Variants in C20orf144 observed in about 807,000 individuals in gnomAD.
C20orf144 encodes the protein uncharacterized protein C20orf144.
In C20orf144, 8 loss-of-function variants were observed where a neutral mutation model predicts 3.8. The ratio of observed to expected loss-of-function variants is 2.11; its 90% confidence interval spans 1.24 to 3.80. C20orf144 has a LOEUF of 3.80. Ranked by LOEUF, C20orf144 falls within the 30% of genes most tolerant of loss-of-function variation. C20orf144 has a pLI of 0.00. For missense variants in C20orf144, 289 were observed against 224.5 expected, an observed-to-expected ratio of 1.29 and a Z score of -1.83; for synonymous variants, 126 against 104.1, an observed-to-expected ratio of 1.21 and a Z score of -1.28.
intron 1 of C20orf144, 97 bp downstream of exon 1, chr20:33,662,568 T>G: frequency 7.3e-7 from 1 of 1,378,340 alleles, no homozygotes; most frequent in Non-Finnish European, 9.9e-7. Flanking sequence ...GTCTAGGCCT[T>G]GTATGCAGAA....
rs188273385 is a variant in C20orf144, at chr20:33,663,827, A to G, written c.422A>G (p.Gln141Arg). 3 of 1,409,394 alleles carry G rather than the reference A, an allele frequency of 2.1e-6. No individual in the cohort carries two copies. Among genetic ancestry groups the G allele is most frequent in the South Asian group, 1.5e-5 (1 of 66,092 alleles). The allele number at this position is 1,409,394 out of a possible 1,614,324, so 87.3% of individuals were successfully genotyped here. ...CGCGAAGCCGGCCCCGCCGAGGAGC[A>G]GCCGCGCAAACGGTGCCGCTGCCCT... ...APREAGPAEE[Q>R]PRKRCRCPRP... The change falls in exon 2 of 2, where the codon CAG becomes CGG. Residue 141 changes from glutamine to arginine, a missense_variant. Gln to Arg is a conservative substitution (Grantham distance 43). Coordinates refer to ENST00000375222, the MANE Select transcript of C20orf144 (RefSeq NM_080825.4).
chr20:33,662,562 A>T (rs1437363169), intron 1 of C20orf144, 91 bp downstream of exon 1: 4 of 1,423,144 alleles, frequency 2.8e-6, no homozygotes, highest in Non-Finnish European at 3.8e-6. Flanking sequence ...CTGGGAGTCT[A>T]GGCCTTGTAT....
rs2017556945 is a variant in C20orf144 at position 33,663,656 on chromosome 20, G to A, written c.251G>A (p.Gly84Asp). 1.3e-6 allele frequency: 2 copies of A among 1,589,984 alleles called. No homozygotes were observed. The highest frequency in any genetic ancestry group is 1.1e-5 in the South Asian group (1 of 89,534). Residue 84 changes from glycine to aspartate, a missense_variant, in exon 2 of 2, where the codon GGC becomes GAC. Gly to Asp is a moderately conservative substitution (Grantham distance 94). Transcript: ENST00000375222. ...SPAAPRLRGA[G>D]EGSEREPRMP... The stretch of plus-strand genomic sequence containing the variant: ...GCGGCACCCAGATTGCGCGGAGCGG[G>A]CGAAGGTAGCGAGCGCGAGCCGAGG...
At chr20:33,662,529 G>A (rs2017513438) in intron 1 of C20orf144, 58 bp downstream of exon 1, 2 of 1,530,940 alleles carry the variant, frequency 1.3e-6, no homozygotes, top group Admixed American at 2.0e-5. Flanking sequence ...AGAGAAAGCT[G>A]GACAAGTGGG....
chr20:33,662,751 G>T, intron 1 of C20orf144: 1 of 377,336 alleles, frequency 2.7e-6, no homozygotes. Flanking sequence ...ATTGGCCTGG[G>T]CAACATAGGG....
chr20:33,663,632 C>T lies in C20orf144; in HGVS notation c.227C>T (p.Ala76Val). ...YASGAGLGSP[A>V]APRLRGAGEG... The stretch of plus-strand genomic sequence containing the variant: ...TCCGGCGCTGGGCTGGGCTCCCCGG[C>T]GGCACCCAGATTGCGCGGAGCGGGC... Residue 76 changes from alanine (A) to valine (V), a missense_variant, in exon 2 of 2, where the codon GCG (alanine) becomes GTG (valine). Ala to Val is a moderately conservative substitution (Grantham distance 64, BLOSUM62 0). Coordinates refer to ENST00000375222, the MANE Select transcript of C20orf144 (RefSeq NM_080825.4). The T allele has an allele frequency of 2.5e-6, 4 of 1,607,908 alleles. No individual in the cohort carries two copies. The highest frequency in any genetic ancestry group is 3.4e-6 in the Non-Finnish European group (4 of 1,179,200).
Position 33,663,787 on chromosome 20 carries a change from C to T in C20orf144, c.382C>T (p.Pro128Ser). ...WPRLLSRFRS[P>S]GKAPREAGPA... ...GCGGCTGCTCTCGCGCTTCCGGTCCCCGGGGAAGGCTCCCCGCGAAGCCGG... is the reference window on the plus strand; with the variant it reads ...GCGGCTGCTCTCGCGCTTCCGGTCCTCGGGGAAGGCTCCCCGCGAAGCCGG... Residue 128 changes from proline (P) to serine (S), a missense_variant, in exon 2 of 2, where the codon CCG (proline) becomes TCG (serine). Pro to Ser is a moderately conservative substitution (Grantham distance 74, BLOSUM62 -1). Transcript: ENST00000375222. 7.0e-7 allele frequency: 1 copy of T among 1,425,314 alleles called. No homozygotes were observed. The highest frequency in any genetic ancestry group is 2.9e-5 in the East Asian group (1 of 34,362). The allele number at this position is 1,425,314 out of a possible 1,614,324, so 88.3% of individuals were successfully genotyped here. A position where few individuals can be genotyped will look rare whatever the true frequency, so the allele number is the denominator to read the frequency against.
intron 1 of C20orf144, 111 bp from the exon 2 acceptor site, chr20:33,663,421 G>A (rs1601159530): frequency 8.6e-7 from 1 of 1,157,398 alleles, no homozygotes; most frequent in Non-Finnish European, 1.2e-6. Flanking sequence ...GGACCCGGGT[G>A]GACGACAGGA....
intron 1 of C20orf144, among the ~76,000 whole-genome samples, chr20:33,663,051 C>A (rs144041031): frequency 3.7e-4 from 57 of 152,304 alleles, no homozygotes; most frequent in African/African-American, 1.3e-3. Context: ...CAACCCTGGA[C>A]GAACGGGTGG....
In C20orf144 at chr20:33,663,709, CAAGAGGCGCGGCGGCCGG is replaced by C. The variant is rs1442182705; in HGVS notation, c.311_328del (p.Ala104_Glu109del). 8.5e-6 allele frequency: 13 copies of C among 1,536,304 alleles called. No individual in the cohort carries two copies. The highest frequency in any genetic ancestry group is 1.0e-5 in the Non-Finnish European group (12 of 1,157,202). ...GCCGGTACTGCTGCTGCTGCGGCGG[CAAGAGGCGCGGCGGCCGG>C]AAGAGGGCGGGGCCAGGGCAGCTCT... On this transcript the variant is annotated inframe_deletion, in exon 2 of 2. Coordinates refer to ENST00000375222, the MANE Select transcript of C20orf144 (RefSeq NM_080825.4).
chr20:33,663,484 C>T, intron 1 of C20orf144, 48 bp from the exon 2 acceptor site: 1 of 1,559,732 alleles, frequency 6.4e-7, no homozygotes, highest in South Asian at 1.1e-5. Context: ...GGGTCGTGGG[C>T]TCGGCCCTAG....
Position 33,662,457 on chromosome 20 carries a change from C to A in C20orf144, c.112C>A (p.Arg38=). 1 of 1,551,544 alleles carries A rather than the reference C, an allele frequency of 6.4e-7. No homozygotes were observed. Among genetic ancestry groups the A allele is most frequent in the Non-Finnish European group, 8.7e-7 (1 of 1,147,358 alleles). The part of the protein sequence containing the change: ...WWKSFLNHLT[R]KKPATRIVLI... ...GAAATCGTTCCTCAACCACCTCACT[C>A]GGAAGAAGCCGGCTGTGAGGGCGGG... The change falls in exon 1 of 2, where the codon CGG becomes AGG. Residue 38 remains arginine (R), a synonymous_variant. Transcript: ENST00000375222.
rs199763056 is a variant in C20orf144, at chr20:33,663,757, T to C, written c.352T>C (p.Trp118Arg). The C allele has an allele frequency of 2.7e-4, 397 of 1,460,112 alleles. 1 individual carries two copies. In the African/African-American group the frequency reaches 5.2e-3, roughly 19 times the overall value. The allele number at this position is 1,460,112 out of a possible 1,614,324, so 90.4% of individuals were successfully genotyped here. A position where few individuals can be genotyped will look rare whatever the true frequency, so the allele number is the denominator to read the frequency against. ...GGGCGGGGCCAGGGCAGCTCTGAGCTGGCCGCGGCTGCTCTCGCGCTTCCG... is the reference window on the plus strand; with the variant it reads ...GGGCGGGGCCAGGGCAGCTCTGAGCCGGCCGCGGCTGCTCTCGCGCTTCCG... ...EEGGARAALSWPRLLSRFRSP... is the reference protein window; with the variant it reads ...EEGGARAALSRPRLLSRFRSP... Residue 118 changes from tryptophan (W) to arginine (R), a missense_variant, in exon 2 of 2, where the codon TGG (tryptophan) becomes CGG (arginine). Transcript: ENST00000375222.
chr20:33,663,773 C>T lies in C20orf144; in HGVS notation c.368C>T (p.Ser123Leu). ...RAALSWPRLL[S>L]RFRSPGKAPR... ...GCTCTGAGCTGGCCGCGGCTGCTCT[C>T]GCGCTTCCGGTCCCCGGGGAAGGCT... Residue 123 changes from serine to leucine, a missense_variant, in exon 2 of 2, where the codon TCG becomes TTG. Ser to Leu is a moderately radical substitution (Grantham distance 145). Coordinates refer to ENST00000375222, the MANE Select transcript of C20orf144 (RefSeq NM_080825.4). The T allele has an allele frequency of 7.0e-7, 1 of 1,438,538 alleles. No individual in the cohort carries two copies. Among genetic ancestry groups the T allele is most frequent in the Admixed American group, 2.8e-5 (1 of 35,578 alleles). The allele number at this position is 1,438,538 out of a possible 1,614,324, so 89.1% of individuals were successfully genotyped here.
rs769219793 is a variant in C20orf144, at chr20:33,663,658, G to A, written c.253G>A (p.Glu85Lys). ...PAAPRLRGAG[E>K]GSEREPRMPV... ...GGCACCCAGATTGCGCGGAGCGGGC[G>A]AAGGTAGCGAGCGCGAGCCGAGGAT... Residue 85 changes from glutamate (E) to lysine (K), a missense_variant, in exon 2 of 2, where the codon GAA (glutamate) becomes AAA (lysine). Glu to Lys is a moderately conservative substitution (Grantham distance 56). Transcript: ENST00000375222. The A allele has an allele frequency of 1.2e-5, 19 of 1,589,592 alleles. No individual in the cohort carries two copies. The highest frequency in any genetic ancestry group is 1.5e-5 in the Non-Finnish European group (18 of 1,174,028).
At position 33,662,477 on chromosome 20, in the gene C20orf144, G is replaced by A; in HGVS notation, c.126+6G>A. 6.4e-7 allele frequency: 1 copy of A among 1,551,366 alleles called. No homozygotes were observed. The stretch of plus-strand genomic sequence containing the variant: ...TCACTCGGAAGAAGCCGGCTGTGAG[G>A]GCGGGGGATGGGGAGCAGGGCTGGG... On this transcript the variant is annotated splice_donor_region_variant and intron_variant, in intron 1 of 1. Transcript: ENST00000375222.
intron 1 of C20orf144, 167 bp from the exon 2 acceptor site, chr20:33,663,365 G>T: frequency 1.4e-6 from 1 of 694,968 alleles, no homozygotes; most frequent in Non-Finnish European, 2.3e-6. Context: ...CCCGCGGCCT[G>T]AATTGGACAG....
At chr20:33,662,520 G>A (rs905437456) in intron 1 of C20orf144, 49 bp downstream of exon 1, 6 of 1,540,006 alleles carry the variant, frequency 3.9e-6, no homozygotes. Flanking sequence ...CTGGGGGGCA[G>A]AGAAAGCTGG....
rs11273422 is a variant in C20orf144, at chr20:33,663,406, TGACAGGACCCGGGTGGAC to T, written c.127-105_127-88del. 8.2e-3 allele frequency: 8,474 copies of T among 1,039,444 alleles called. 427 individuals carry two copies. In the African/African-American group the frequency reaches 0.12, roughly 15 times the overall value. 64.4% of individuals were successfully genotyped at this position (1,039,444 alleles called of 1,614,324 possible). ...CCCTCCAGCCCTGTGCACGAGAGGA[TGACAGGACCCGGGTGGAC>T]GACAGGACCCGGGTGGACGAGGGTC... On this transcript the variant is annotated intron_variant, in intron 1 of 1. Coordinates refer to ENST00000375222, the MANE Select transcript of C20orf144 (RefSeq NM_080825.4).
Sources: gnomAD v4.1 joint callset for allele counts (sites outside exome capture counted in the v4.1 genomes callset) on GRCh38, gnomAD v4.1.1 for gene constraint, MANE v1.5 for transcripts, NCBI Gene and HGNC (gene_info 2026-07-23, HGNC 2026-07-21) for gene names.